The following ANKS1B variants were observed in gnomAD, a reference collection of about 807,000 sequenced individuals.
ANKS1B encodes the protein ankyrin repeat and sterile alpha motif domain-containing protein 1B.
In ANKS1B, 36 loss-of-function variants were observed where a neutral mutation model predicts 148.3. The ratio of observed to expected loss-of-function variants is 0.24; its 90% CI spans 0.19 to 0.32. ANKS1B has a LOEUF of 0.32. Ranked by LOEUF, ANKS1B falls within the 10% of genes least tolerant of loss-of-function variation. ANKS1B has a pLI of 1.00. For missense variants in ANKS1B, 1,157 were observed against 1,542.6 expected (o/e 0.75, Z 4.19); for synonymous variants, 542 against 560.8 (o/e 0.97, Z 0.47).
chr12:99,774,355 A>G (rs903856276), intron 7 of ANKS1B, among the ~76,000 whole-genome samples: 1 of 152,116 alleles, frequency 6.6e-6, no homozygotes, highest in African/African-American at 2.4e-5. Flanking sequence ...AAAAAGGCAC[A>G]TAAATGACCC....
At chr12:99,900,562 C>A (rs903273926) in intron 1 of ANKS1B, among the ~76,000 whole-genome samples, 4 of 142,744 alleles carry the variant, frequency 2.8e-5, no homozygotes, top group Admixed American at 2.8e-4. Context: ...ACAATAGTGA[C>A]AAAAATATTT....
At chr12:99,438,063 A>AT (rs1194525464) in intron 11 of ANKS1B, among the ~76,000 whole-genome samples, 1 of 151,596 alleles carries the variant, frequency 6.6e-6, no homozygotes, top group African/African-American at 2.4e-5. Flanking sequence ...TCACTTTAAA[A>AT]TTTTTTTTCT....
At chr12:99,188,140 G>T (rs914252789) in intron 14 of ANKS1B, among the ~76,000 whole-genome samples, 3 of 152,146 alleles carry the variant, frequency 2.0e-5, no homozygotes, top group Non-Finnish European at 4.4e-5. Flanking sequence ...AACAAAAAGA[G>T]CTAACTATTC....
intron 12 of ANKS1B, among the ~76,000 whole-genome samples, chr12:99,379,623 T>C (rs1179036619): frequency 3.3e-5 from 5 of 152,102 alleles, no homozygotes; most frequent in Non-Finnish European, 5.9e-5. Context: ...GTGAAGAAAA[T>C]TGCTACAGAA....
intron 17 of ANKS1B, among the ~76,000 whole-genome samples, chr12:99,041,062 C>A (rs893296781): frequency 6.6e-6 from 1 of 152,188 alleles, no homozygotes; most frequent in African/African-American, 2.4e-5. Context: ...TGGCAGCCAT[C>A]TACTTTGAGT....
At chr12:99,700,924 C>T (rs547725355) in intron 8 of ANKS1B, among the ~76,000 whole-genome samples, 1 of 152,260 alleles carries the variant, frequency 6.6e-6, no homozygotes, top group South Asian at 2.1e-4. Context: ...CAATCCCCAC[C>T]TGCTGAACTG....
At chr12:99,686,206 A>C (rs1390424091) in intron 8 of ANKS1B, among the ~76,000 whole-genome samples, 2 of 152,188 alleles carry the variant, frequency 1.3e-5, no homozygotes, top group African/African-American at 2.4e-5. Context: ...GAGTTGCTAC[A>C]TGATGAACCA....
intron 10 of ANKS1B, among the ~76,000 whole-genome samples, chr12:99,481,374 C>T (rs1165129732): frequency 6.6e-6 from 1 of 151,788 alleles, no homozygotes; most frequent in Non-Finnish European, 1.5e-5. Flanking sequence ...CTTTTAATGG[C>T]TGAGTAGTAT....
intron 10 of ANKS1B, among the ~76,000 whole-genome samples, chr12:99,445,117 G>C (rs1486079269): frequency 1.3e-5 from 2 of 151,998 alleles, no homozygotes; most frequent in Non-Finnish European, 2.9e-5. Context: ...GATTTGAATT[G>C]GCATCACAAA....
chr12:98,924,450 T>G (rs2099805425), intron 17 of ANKS1B, among the ~76,000 whole-genome samples: 1 of 152,194 alleles, frequency 6.6e-6, no homozygotes, highest in Non-Finnish European at 1.5e-5. Flanking sequence ...TATCTACTCT[T>G]GAAAATACAT....
chr12:98,998,001 G>T (rs529151581), intron 17 of ANKS1B, among the ~76,000 whole-genome samples: 11 of 152,074 alleles, frequency 7.2e-5, no homozygotes, highest in Non-Finnish European at 1.6e-4. Context: ...TACTGCCTTG[G>T]CCTGTCTTCT....
At chr12:98,842,039 T>C (rs887223024) in intron 17 of ANKS1B, among the ~76,000 whole-genome samples, 1 of 152,184 alleles carries the variant, frequency 6.6e-6, no homozygotes, top group African/African-American at 2.4e-5. Context: ...CCCAGTTTTC[T>C]AACATATAAC....
At chr12:99,547,292 C>G (rs776039791) in intron 9 of ANKS1B, among the ~76,000 whole-genome samples, 14 of 151,962 alleles carry the variant, frequency 9.2e-5, no homozygotes, top group Non-Finnish European at 1.5e-4. Flanking sequence ...TGGGAAATGC[C>G]TGGTATTGTT....
intron 17 of ANKS1B, among the ~76,000 whole-genome samples, chr12:98,885,830 G>A (rs1377174956): frequency 1.3e-5 from 2 of 152,196 alleles, no homozygotes; most frequent in Non-Finnish European, 2.9e-5. Context: ...TTGCAGAAAA[G>A]TGGATAGATC....
At chr12:98,853,843 C>T (rs2099546630) in intron 17 of ANKS1B, among the ~76,000 whole-genome samples, 1 of 152,198 alleles carries the variant, frequency 6.6e-6, no homozygotes, top group South Asian at 2.1e-4. Context: ...GGTAGGCATT[C>T]AGGGTCTAAC....
chr12:99,472,644 A>T (rs2096260430), intron 10 of ANKS1B, among the ~76,000 whole-genome samples: 1 of 152,220 alleles, frequency 6.6e-6, no homozygotes, highest in South Asian at 2.1e-4. Flanking sequence ...GAAGGAGGAA[A>T]ATAGGAGGGT....
intron 10 of ANKS1B, among the ~76,000 whole-genome samples, chr12:99,491,306 G>GA (rs34977034): frequency 3.7e-4 from 53 of 144,774 alleles, no homozygotes; most frequent in South Asian, 1.8e-3. Context: ...CTCCATCTCA[G>GA]AAAAAAAAAA....
At chr12:98,915,704 C>T (rs1476185142) in intron 17 of ANKS1B, among the ~76,000 whole-genome samples, 1 of 152,162 alleles carries the variant, frequency 6.6e-6, no homozygotes, top group Non-Finnish European at 1.5e-5. Flanking sequence ...TACTTTATCA[C>T]TACAGCCCTA....
intron 1 of ANKS1B, among the ~76,000 whole-genome samples, chr12:99,887,170 G>A (rs913797469): frequency 2.6e-5 from 4 of 152,122 alleles, no homozygotes; most frequent in Non-Finnish European, 4.4e-5. Context: ...ACTAATAAAC[G>A]ATGGGACAGG....
Sources: gnomAD v4.1 joint callset for allele counts (sites outside exome capture counted in the v4.1 genomes callset) on GRCh38, gnomAD v4.1.1 for gene constraint, MANE v1.5 for transcripts, NCBI Gene and HGNC (gene_info 2026-07-23, HGNC 2026-07-21) for gene names.